ZNF469: variants seen among roughly 807,000 people sequenced by gnomAD.
ZNF469 encodes the protein zinc finger protein 469.
In ZNF469, 1 loss-of-function variant was observed where a neutral mutation model predicts 1.0. The ratio of observed to expected loss-of-function variants is 1.00; its 90% CI spans 0.35 to 4.73. The LOEUF (loss-of-function observed/expected upper bound fraction) is 4.73, where lower values mean the gene tolerates loss of function less well. ZNF469 is among the 30% of genes most tolerant of loss of function. ZNF469 has a pLI of 0.16. For synonymous variants in ZNF469, 2,703 were observed against 2,363.4 expected (o/e 1.14, Z -4.17); for missense variants, 6,100 against 5,356.3 (o/e 1.14, Z -4.33).
chr16:88,267,229 G>A, the ZNF469 span, among the ~76,000 whole-genome samples: 1 of 152,210 alleles, frequency 6.6e-6, no homozygotes, highest in South Asian at 2.1e-4. Context: ...CCGAGGGCTT[G>A]CTCCTGACCG....
At chr16:88,373,287 T>G in the ZNF469 span, among the ~76,000 whole-genome samples, 1 of 152,180 alleles carries the variant, frequency 6.6e-6, no homozygotes, top group African/African-American at 2.4e-5. Flanking sequence ...TCCAGCTCCC[T>G]GGTATATGGC....
rs1024785554 is a variant in ZNF469 at position 88,434,851 on chromosome 16, G to C, written c.7381G>C (p.Gly2461Arg). The C allele has an allele frequency of 6.5e-7, 1 of 1,550,230 alleles. No individual in the cohort carries two copies. The highest frequency in any genetic ancestry group is 2.4e-5 in the East Asian group (1 of 40,938). ...YKKKPASTEN[G>R]QWKGQAPHGP... Reference sequence around the variant, plus strand: ...AAAGAAGCCTGCATCTACAGAGAACGGCCAGTGGAAGGGCCAAGCTCCACA... The same window carrying C: ...AAAGAAGCCTGCATCTACAGAGAACCGCCAGTGGAAGGGCCAAGCTCCACA... Residue 2461 changes from glycine (G) to arginine (R), a missense_variant, in exon 3 of 3, where the codon GGC (glycine) becomes CGC (arginine). Coordinates refer to ENST00000565624, the MANE Select transcript of ZNF469 (RefSeq NM_001367624.2).
chr16:88,163,138 A>G, the ZNF469 span, among the ~76,000 whole-genome samples: 3 of 134,500 alleles, frequency 2.2e-5, no homozygotes, highest in Admixed American at 1.5e-4. Context: ...GGATGAATAG[A>G]TGGGTAGATA....
At chr16:88,218,562 C>G in the ZNF469 span, among the ~76,000 whole-genome samples, 1 of 152,126 alleles carries the variant, frequency 6.6e-6, no homozygotes, top group African/African-American at 2.4e-5. Context: ...TGACAAAATT[C>G]AACAACGCTT....
chr16:88,116,202 G>A, the ZNF469 span, among the ~76,000 whole-genome samples: 1 of 152,336 alleles, frequency 6.6e-6, no homozygotes, highest in South Asian at 2.1e-4. Context: ...GGATGCAGAC[G>A]GCCAATCAGG....
At chr16:88,102,314 C>G in the ZNF469 span, among the ~76,000 whole-genome samples, 3 of 152,104 alleles carry the variant, frequency 2.0e-5, 1 homozygote, top group South Asian at 6.2e-4. Flanking sequence ...GTCAGAAGTT[C>G]GTAGAGCAGC....
At chr16:88,372,036 T>C in the ZNF469 span, among the ~76,000 whole-genome samples, 254 of 61,638 alleles carry the variant, frequency 4.1e-3, no homozygotes, top group African/African-American at 6.1e-3. Flanking sequence ...TCACCATCAC[T>C]ACCATTACCA....
chr16:88,366,890 GTCA>G, the ZNF469 span, among the ~76,000 whole-genome samples: 1 of 150,908 alleles, frequency 6.6e-6, no homozygotes, highest in African/African-American at 2.4e-5. Context: ...CATCATCACC[GTCA>G]TCATCACCAA....
the ZNF469 span, among the ~76,000 whole-genome samples, chr16:88,320,623 ATCTGC>A: frequency 6.6e-6 from 1 of 152,156 alleles, no homozygotes; most frequent in Admixed American, 6.5e-5. Flanking sequence ...ACCTCAAGTG[ATCTGC>A]CCACCTTTGC....
chr16:88,243,102 G>T, the ZNF469 span, among the ~76,000 whole-genome samples: 5 of 152,182 alleles, frequency 3.3e-5, no homozygotes, highest in Non-Finnish European at 5.9e-5. Flanking sequence ...TATCATCACT[G>T]CTCATGACAG....
the ZNF469 span, among the ~76,000 whole-genome samples, chr16:88,246,766 T>C: frequency 6.6e-6 from 1 of 151,982 alleles, no homozygotes; most frequent in African/African-American, 2.4e-5. Flanking sequence ...AATGAGTGAG[T>C]GAATCAGTGA....
At chr16:88,315,533 T>C in the ZNF469 span, among the ~76,000 whole-genome samples, 1 of 152,194 alleles carries the variant, frequency 6.6e-6, no homozygotes, top group Non-Finnish European at 1.5e-5. Context: ...TTTATCGCCA[T>C]GGTGACCAAG....
At chr16:88,337,608 GCTC>G in the ZNF469 span, among the ~76,000 whole-genome samples, 1 of 152,212 alleles carries the variant, frequency 6.6e-6, no homozygotes, top group Non-Finnish European at 1.5e-5. Context: ...GTGCCAGGCT[GCTC>G]CTCATTTTGC....
chr16:88,283,835 G>C, the ZNF469 span, among the ~76,000 whole-genome samples: 5 of 149,038 alleles, frequency 3.4e-5, no homozygotes, highest in Non-Finnish European at 5.9e-5. Flanking sequence ...TAGACCCCCA[G>C]TGTGCCCAAG....
chr16:88,430,354 G>A lies in ZNF469; in HGVS notation c.2884G>A (p.Gly962Ser), dbSNP rs1906058543. 6.6e-7 allele frequency: 1 copy of A among 1,512,100 alleles called. No individual in the cohort carries two copies. The highest frequency in any genetic ancestry group is 8.8e-7 in the Non-Finnish European group (1 of 1,134,752). 93.7% of individuals were successfully genotyped at this position (1,512,100 alleles called of 1,614,324 possible). ...GTTCCGGAAGGATCTGGACTCGGGC[G>A]GCGCAGCAGAGGGGTCGGGGTCGGG... ...KLFRKDLDSG[G>S]AAEGSGSGGG... Residue 962 changes from glycine to serine, a missense_variant, in exon 3 of 3, where the codon GGC becomes AGC. By Grantham distance (56) the Gly-to-Ser change is moderately conservative (BLOSUM62 0). Coordinates refer to ENST00000565624, the MANE Select transcript of ZNF469 (RefSeq NM_001367624.2).
upstream of ZNF469, among the ~76,000 whole-genome samples, chr16:88,380,343 TC>T: frequency 1.6e-5 from 1 of 60,900 alleles, no homozygotes; most frequent in African/African-American, 7.2e-5. Flanking sequence ...ACACATGCGC[TC>T]ACACACATGC....
the ZNF469 span, among the ~76,000 whole-genome samples, chr16:88,109,577 C>G: frequency 6.8e-6 from 1 of 147,568 alleles, no homozygotes; most frequent in African/African-American, 2.6e-5. Context: ...GCTGTCTCCT[C>G]TCCAGGATCA....
At chr16:88,270,416 C>T in the ZNF469 span, among the ~76,000 whole-genome samples, 6 of 152,162 alleles carry the variant, frequency 3.9e-5, no homozygotes, top group African/African-American at 1.2e-4. Context: ...CCTGGATGCT[C>T]GCACCTGCTG....
upstream of ZNF469, among the ~76,000 whole-genome samples, chr16:88,379,618 A>T (rs913892659): frequency 1.3e-5 from 2 of 152,192 alleles, no homozygotes; most frequent in Non-Finnish European, 2.9e-5. Flanking sequence ...CTGGGGCAGG[A>T]TGATTCCTGT....
Sources: gnomAD v4.1 joint callset for allele counts (sites outside exome capture counted in the v4.1 genomes callset) on GRCh38, gnomAD v4.1.1 for gene constraint, MANE v1.5 for transcripts, NCBI Gene and HGNC (gene_info 2026-07-23, HGNC 2026-07-21) for gene names.